Variants in PTER observed in about 807,000 individuals in gnomAD.
PTER encodes N-acetyltaurine hydrolase.
A neutral mutation model predicts 29.6 loss-of-function variants in PTER; 38 were observed. That is an observed-to-expected ratio of 1.28 (90% CI 0.99 to 1.68). PTER has a LOEUF of 1.68. PTER is among the 40% of genes most tolerant of loss of function. The pLI is 0.00. For synonymous variants in PTER, 172 were observed against 154.5 expected, an observed-to-expected ratio of 1.11 and a Z score of -0.84; for missense variants, 482 against 427.8, an observed-to-expected ratio of 1.13 and a Z score of -1.12.
intron 1 of PTER, among the ~76,000 whole-genome samples, chr10:16,482,732 T>G (rs1437309202): frequency 6.6e-6 from 1 of 152,202 alleles, no homozygotes; most frequent in Non-Finnish European, 1.5e-5. Flanking sequence ...TTGTCCTCAC[T>G]ATTTTCAGTA....
chr10:16,478,564 C>A (rs1172424470), intron 1 of PTER, among the ~76,000 whole-genome samples: 1 of 151,994 alleles, frequency 6.6e-6, no homozygotes, highest in African/African-American at 2.4e-5. Flanking sequence ...GAACACCTGA[C>A]CTCAGGTGAT....
Position 16,457,196 on chromosome 10 carries a change from T to TTTTG in PTER, c.-49+20177_-49+20180dup, listed in dbSNP as rs140911123. On this transcript the variant is annotated intron_variant, in intron 1 of 4. Coordinates refer to ENST00000535784, the MANE Select transcript of PTER (RefSeq NM_001261836.2). ...TTTAATACGTTTAACCCTTTAGTTG[T>TTTTG]TTTGTTTGTTTGTTTGTTTGTTTGT... Among the ~76,000 whole-genome samples, 510 of 151,528 alleles carry TTTTG rather than the reference T, an allele frequency of 3.4e-3. 5 individuals carry two copies. Among genetic ancestry groups the TTTTG allele is most frequent in the East Asian group, 8.7e-3 (45 of 5,148 alleles).
chr10:16,459,148 A>G (rs1834515933), intron 1 of PTER, among the ~76,000 whole-genome samples: 2 of 152,274 alleles, frequency 1.3e-5, no homozygotes, highest in East Asian at 3.9e-4. Flanking sequence ...GCATTCTACA[A>G]CACTTTTAAA....
rs989265153 is a variant in PTER at position 16,440,018 on chromosome 10, T to C, written c.-49+2971T>C. Among the ~76,000 whole-genome samples, 7 of 152,236 alleles carry C rather than the reference T, an allele frequency of 4.6e-5. No individual in the cohort carries two copies. In the East Asian group the frequency reaches 1.3e-3, roughly 29 times the overall value. ...AAATGTGGCTTTGTTCTGTTTTCTT[T>C]AGCTGTTGTTTCTAGTGTATTTTCA... On this transcript the variant is annotated intron_variant, in intron 1 of 4. Coordinates refer to ENST00000535784, the MANE Select transcript of PTER (RefSeq NM_001261836.2).
chr10:16,471,428 C>T (rs1835050942), intron 1 of PTER, among the ~76,000 whole-genome samples: 1 of 151,820 alleles, frequency 6.6e-6, no homozygotes, highest in Non-Finnish European at 1.5e-5. Flanking sequence ...ATGTTATAAA[C>T]ATTAAAAACT....
intron 1 of PTER, among the ~76,000 whole-genome samples, chr10:16,479,957 G>A (rs1835416314): frequency 6.7e-6 from 1 of 149,482 alleles, no homozygotes. Flanking sequence ...TTAGGTTGGT[G>A]CAAAAATAAT....
rs1215151124 is a variant in PTER, at chr10:16,511,217, T to C, written c.1011T>C (p.Ile337=). 1 of 1,614,008 alleles carries C rather than the reference T, an allele frequency of 6.2e-7. No individual in the cohort carries two copies. The highest frequency in any genetic ancestry group is 8.5e-7 in the Non-Finnish European group (1 of 1,179,986). The part of the protein sequence containing the change: ...RGITENVLDK[I]LIENPKQWLT... Reference sequence around the variant, plus strand: ...TAACTGAGAATGTGCTTGATAAGATTCTAATAGAGAACCCTAAGCAATGGC... The same window carrying C: ...TAACTGAGAATGTGCTTGATAAGATCCTAATAGAGAACCCTAAGCAATGGC... The change falls in exon 5 of 5, where the codon ATT becomes ATC. Residue 337 remains isoleucine (I), a synonymous_variant. Coordinates refer to ENST00000535784, the MANE Select transcript of PTER (RefSeq NM_001261836.2).
At chr10:16,459,333 A>T (rs911136079) in intron 1 of PTER, among the ~76,000 whole-genome samples, 1 of 152,072 alleles carries the variant, frequency 6.6e-6, no homozygotes, top group African/African-American at 2.4e-5. Flanking sequence ...AAAGGTTTAT[A>T]CTCTGCATAT....
intron 3 of PTER, among the ~76,000 whole-genome samples, chr10:16,503,049 TG>T (rs1413889103): frequency 7.0e-6 from 1 of 142,376 alleles, no homozygotes; most frequent in African/African-American, 2.6e-5. Context: ...AGTAGATTCA[TG>T]GACACATGAT....
At chr10:16,481,033 C>G (rs1432458466) in intron 1 of PTER, among the ~76,000 whole-genome samples, 1 of 152,162 alleles carries the variant, frequency 6.6e-6, no homozygotes, top group Admixed American at 6.5e-5. Context: ...TTTTTCAGTT[C>G]TAGATGCATC....
intron 1 of PTER, among the ~76,000 whole-genome samples, chr10:16,473,544 A>C (rs374793431): frequency 0.012 from 1,761 of 150,108 alleles, 10 homozygotes; most frequent in Non-Finnish European, 0.021. Context: ...AAAAAAAAAA[A>C]AAACAGTTAG....
downstream of PTER, among the ~76,000 whole-genome samples, chr10:16,517,553 G>A (rs999691510): frequency 2.0e-5 from 3 of 152,086 alleles, no homozygotes; most frequent in Non-Finnish European, 4.4e-5. Context: ...CAACATTAAA[G>A]AGATTTCCTC....
chr10:16,467,858 G>A (rs1296598891), intron 1 of PTER, among the ~76,000 whole-genome samples: 2 of 152,142 alleles, frequency 1.3e-5, no homozygotes, highest in Non-Finnish European at 2.9e-5. Context: ...CTTGGAGTGT[G>A]AAGATACAGG....
chr10:16,505,246 G>A (rs1836517960), intron 4 of PTER, 86 bp downstream of exon 4: 3 of 1,516,824 alleles, frequency 2.0e-6, no homozygotes, highest in East Asian at 4.5e-5. Flanking sequence ...CAAAGATTCA[G>A]AAAACAGTAA....
chr10:16,508,435 A>G (rs1015862351), intron 4 of PTER, among the ~76,000 whole-genome samples: 1 of 152,126 alleles, frequency 6.6e-6, no homozygotes, highest in African/African-American at 2.4e-5. Context: ...TCCTTTTCCG[A>G]AGCCCCTTTG....
chr10:16,517,158 T>A (rs1836964381), downstream of PTER, among the ~76,000 whole-genome samples: 1 of 152,210 alleles, frequency 6.6e-6, no homozygotes, highest in African/African-American at 2.4e-5. Context: ...GGGAATAAGA[T>A]CCATCCTTCC....
chr10:16,464,260 G>T (rs1352625678), intron 1 of PTER, among the ~76,000 whole-genome samples: 1 of 152,144 alleles, frequency 6.6e-6, no homozygotes, highest in East Asian at 1.9e-4. Flanking sequence ...GGCCTTGAGA[G>T]TTCAGAATTC....
downstream of PTER, among the ~76,000 whole-genome samples, chr10:16,515,009 A>T (rs1195197618): frequency 6.6e-6 from 1 of 152,068 alleles, no homozygotes. Flanking sequence ...TCGTTTTTCT[A>T]ACTCCTTCGA....
intron 1 of PTER, among the ~76,000 whole-genome samples, chr10:16,459,041 A>G (rs1401323123): frequency 6.6e-6 from 1 of 152,200 alleles, no homozygotes; most frequent in Non-Finnish European, 1.5e-5. Flanking sequence ...AGCCTTAAAA[A>G]TTCTACCCCC....
Sources: gnomAD v4.1 joint callset for allele counts (sites outside exome capture counted in the v4.1 genomes callset) on GRCh38, gnomAD v4.1.1 for gene constraint, MANE v1.5 for transcripts, NCBI Gene and HGNC (gene_info 2026-07-23, HGNC 2026-07-21) for gene names.